Variants in SAMD5 observed in about 807,000 individuals in gnomAD.
SAMD5 encodes sterile alpha motif domain-containing protein 5.
In SAMD5, 13 loss-of-function variants were observed where a neutral mutation model predicts 11.3. The ratio of observed to expected loss-of-function variants is 1.15; its 90% confidence interval spans 0.75 to 1.83. SAMD5 has a LOEUF of 1.83. SAMD5 is among the 40% of genes most tolerant of loss of function. The pLI is 0.00. For missense variants in SAMD5, 255 were observed against 239.1 expected (o/e 1.07, Z -0.44); for synonymous variants, 129 against 111.3 (o/e 1.16, Z -1.00).
At chr6:147,676,952 A>G (rs1263077928) in intron 1 of SAMD5, among the ~76,000 whole-genome samples, 2 of 152,144 alleles carry the variant, frequency 1.3e-5, no homozygotes, top group Non-Finnish European at 2.9e-5. Flanking sequence ...GTGAGGGGCC[A>G]GATAAAAATA....
intron 1 of SAMD5, among the ~76,000 whole-genome samples, chr6:147,578,288 TTC>T (rs1789247561): frequency 6.6e-6 from 1 of 152,154 alleles, no homozygotes; most frequent in Non-Finnish European, 1.5e-5. Context: ...AATGTTCTGT[TTC>T]TCTCTCTCGT....
intron 1 of SAMD5, among the ~76,000 whole-genome samples, chr6:147,636,536 A>G (rs952286503): frequency 6.6e-6 from 1 of 152,182 alleles, no homozygotes; most frequent in Admixed American, 6.6e-5. Context: ...CATATCACCT[A>G]GCCTGGATTA....
chr6:147,662,675 A>T (rs1790663992), intron 1 of SAMD5, among the ~76,000 whole-genome samples: 1 of 152,198 alleles, frequency 6.6e-6, no homozygotes, highest in African/African-American at 2.4e-5. Flanking sequence ...GAGTGTCCAG[A>T]TGAAAAGCCT....
the SAMD5 span, among the ~76,000 whole-genome samples, chr6:147,951,406 T>A: frequency 6.6e-6 from 1 of 152,084 alleles, no homozygotes; most frequent in East Asian, 1.9e-4. Flanking sequence ...GGTTTCGATA[T>A]CCTGGCCTCG....
At chr6:147,776,435 G>A in the SAMD5 span, among the ~76,000 whole-genome samples, 1 of 151,866 alleles carries the variant, frequency 6.6e-6, no homozygotes, top group Non-Finnish European at 1.5e-5. Flanking sequence ...GAGCTCCTTC[G>A]CACTCTGGTT....
At chr6:147,695,942 T>C (rs1791169028) in intron 1 of SAMD5, among the ~76,000 whole-genome samples, 1 of 152,242 alleles carries the variant, frequency 6.6e-6, no homozygotes. Context: ...TCAGATCTTC[T>C]GAGAATTATC....
the SAMD5 span, among the ~76,000 whole-genome samples, chr6:147,912,715 T>TAC: frequency 3.3e-5 from 5 of 152,098 alleles, no homozygotes; most frequent in African/African-American, 1.2e-4. Context: ...GGTACATATA[T>TAC]ACACTGGATT....
At chr6:147,523,265 G>C (rs1022634795) in intron 1 of SAMD5, among the ~76,000 whole-genome samples, 1 of 151,892 alleles carries the variant, frequency 6.6e-6, no homozygotes, top group Non-Finnish European at 1.5e-5. Context: ...GTGTAACAAA[G>C]GTAAAATTGA....
the SAMD5 span, among the ~76,000 whole-genome samples, chr6:147,831,331 A>G: frequency 6.6e-6 from 1 of 152,248 alleles, no homozygotes; most frequent in African/African-American, 2.4e-5. Context: ...TTTTCGTGGT[A>G]TATTTGAGCA....
At chr6:147,649,084 G>C (rs911420782) in intron 1 of SAMD5, among the ~76,000 whole-genome samples, 1 of 152,140 alleles carries the variant, frequency 6.6e-6, no homozygotes, top group African/African-American at 2.4e-5. Context: ...TCCATATGCC[G>C]TTACTGTTTG....
chr6:147,690,758 T>C lies in SAMD5; in HGVS notation c.163-46559T>C, dbSNP rs9390492. Among the ~76,000 whole-genome samples, 339 of 152,320 alleles carry C rather than the reference T, an allele frequency of 2.2e-3. 5 individuals carry two copies. The East Asian group carries it at 0.032, about 15-fold the overall frequency. ...TTCATTCTTCTTGTTTCAATCTATG[T>C]GGTTGAGCAAAGCAGTTAACTTCTC... is the stretch of plus-strand genomic sequence containing the variant. On this transcript the variant is annotated intron_variant, in intron 1 of 1. Transcript: ENST00000566741.
At chr6:147,871,861 G>A in the SAMD5 span, among the ~76,000 whole-genome samples, 1 of 152,128 alleles carries the variant, frequency 6.6e-6, no homozygotes, top group Non-Finnish European at 1.5e-5. Flanking sequence ...TTATTTTCAT[G>A]AGGCCAACCA....
the SAMD5 span, among the ~76,000 whole-genome samples, chr6:147,889,999 C>T: frequency 6.6e-6 from 1 of 152,122 alleles, no homozygotes; most frequent in Non-Finnish European, 1.5e-5. Flanking sequence ...GCCTAGGAAC[C>T]CACTCTCTGC....
At chr6:147,820,332 T>A in the SAMD5 span, among the ~76,000 whole-genome samples, 59 of 152,290 alleles carry the variant, frequency 3.9e-4, no homozygotes, top group African/African-American at 1.2e-3. Context: ...AATGATGATA[T>A]CTATTTTTCT....
At chr6:147,512,541 G>A (rs928328834) in intron 1 of SAMD5, among the ~76,000 whole-genome samples, 5 of 152,078 alleles carry the variant, frequency 3.3e-5, no homozygotes, top group Admixed American at 6.6e-5. Context: ...GAGTTAAAAC[G>A]TAAATAAAAA....
chr6:147,917,798 C>T, the SAMD5 span, among the ~76,000 whole-genome samples: 3 of 152,128 alleles, frequency 2.0e-5, no homozygotes, highest in Non-Finnish European at 4.4e-5. Flanking sequence ...TTCCCAGCAC[C>T]GTTTATTAAA....
the SAMD5 span, among the ~76,000 whole-genome samples, chr6:147,952,804 G>T: frequency 1.3e-5 from 2 of 152,144 alleles, no homozygotes; most frequent in East Asian, 3.8e-4. Flanking sequence ...GTGAGCCACC[G>T]CACCCGGCCC....
At chr6:147,917,883 T>C in the SAMD5 span, among the ~76,000 whole-genome samples, 30 of 152,176 alleles carry the variant, frequency 2.0e-4, no homozygotes, top group African/African-American at 7.0e-4. Context: ...TGTGGTATTA[T>C]TTCTGAGGGC....
At chr6:147,510,407 C>A (rs1788070825) in intron 1 of SAMD5, among the ~76,000 whole-genome samples, 2 of 152,168 alleles carry the variant, frequency 1.3e-5, no homozygotes. Flanking sequence ...CTCAGGATTG[C>A]AGAAGGTGCA....
Sources: allele counts gnomAD v4.1 joint callset (sites outside exome capture counted in the v4.1 genomes callset), GRCh38; gene constraint gnomAD v4.1.1; transcripts MANE v1.5; gene names NCBI Gene and HGNC (gene_info 2026-07-23, HGNC 2026-07-21).